ACTL8: variants seen among roughly 807,000 people sequenced by gnomAD.
ACTL8 encodes the protein actin-like protein 8.
A neutral mutation model predicts 9.3 loss-of-function variants in ACTL8; 3 were observed. The ratio of observed to expected loss-of-function variants is 0.32; its 90% CI spans 0.15 to 0.83. The LOEUF (loss-of-function observed/expected upper bound fraction) is 0.83. Among genes scored for constraint, ACTL8 ranks in the 40% least tolerant of loss-of-function variants. The pLI, the probability that ACTL8 is intolerant of heterozygous loss-of-function variation, is 0.57. For synonymous variants in ACTL8, 224 were observed against 205.9 expected, an observed-to-expected ratio of 1.09 and a Z score of -0.75; for missense variants, 381 against 492.2, an observed-to-expected ratio of 0.77 and a Z score of 2.14.
intron 1 of ACTL8, among the ~76,000 whole-genome samples, chr1:17,756,564 T>C (rs1361844521): frequency 6.6e-6 from 1 of 152,214 alleles, no homozygotes; most frequent in African/African-American, 2.4e-5. Context: ...AGTTAATAAT[T>C]CTTCATATGA....
Position 17,810,687 on chromosome 1 carries a change from C to T in ACTL8, c.-24-12298C>T, listed in dbSNP as rs150549364. The stretch of plus-strand genomic sequence containing the variant: ...GTCCTGTATAGTTAACTCTTCTCAC[C>T]GCCCCAGAAACGACTGATCTGTTTT... On this transcript the variant is annotated intron_variant, in intron 1 of 2. Transcript: ENST00000375406. Among the ~76,000 whole-genome samples, 78 of 152,272 alleles carry T rather than the reference C, an allele frequency of 5.1e-4. No individual in the cohort carries two copies. In the East Asian group the frequency reaches 0.013, roughly 26 times the overall value.
intron 1 of ACTL8, among the ~76,000 whole-genome samples, chr1:17,809,293 C>A (rs1418550375): frequency 2.6e-5 from 4 of 151,982 alleles, no homozygotes; most frequent in Admixed American, 1.3e-4. Context: ...CTAGTCAATG[C>A]AATATTGGGT....
chr1:17,825,954 A>T lies in ACTL8; in HGVS notation c.536A>T (p.Asp179Val). 1 of 1,610,860 alleles carries T rather than the reference A, an allele frequency of 6.2e-7. No homozygotes were observed. Among genetic ancestry groups the T allele is most frequent in the Non-Finnish European group, 8.5e-7 (1 of 1,179,996 alleles). ...AAGACGCTGGAGTTCGCCGGCCAGGATCTCTCCGCCTATCTCCTCAAGAGT... is the reference window on the plus strand; with the variant it reads ...AAGACGCTGGAGTTCGCCGGCCAGGTTCTCTCCGCCTATCTCCTCAAGAGT... ...SGKTLEFAGQDLSAYLLKSLF... is the reference protein window; with the variant it reads ...SGKTLEFAGQVLSAYLLKSLF... Residue 179 changes from aspartate (D) to valine (V), a missense_variant, in exon 3 of 3, where the codon GAT becomes GTT. Coordinates refer to ENST00000375406, the MANE Select transcript of ACTL8 (RefSeq NM_030812.3).
At chr1:17,798,162 G>T (rs552375411) in intron 1 of ACTL8, among the ~76,000 whole-genome samples, 42 of 102,130 alleles carry the variant, frequency 4.1e-4, no homozygotes, top group Admixed American at 1.7e-3. Flanking sequence ...ATATGGGTCT[G>T]CGCAGTCATC....
chr1:17,825,027 C>T (rs574162535), intron 2 of ACTL8, among the ~76,000 whole-genome samples: 28 of 143,770 alleles, frequency 1.9e-4, no homozygotes, highest in African/African-American at 7.0e-4. Flanking sequence ...GATCTTTCTG[C>T]TTCTATGGGA....
At chr1:17,795,893 GAC>G (rs1461547935) in intron 1 of ACTL8, among the ~76,000 whole-genome samples, 7 of 152,200 alleles carry the variant, frequency 4.6e-5, no homozygotes, top group Non-Finnish European at 7.4e-5. Flanking sequence ...GCATTTCCAA[GAC>G]TGTCTGCACA....
chr1:17,820,488 TG>T (rs1332287484), intron 1 of ACTL8, among the ~76,000 whole-genome samples: 1 of 152,208 alleles, frequency 6.6e-6, no homozygotes, highest in Non-Finnish European at 1.5e-5. Context: ...TAAAGGTTTT[TG>T]TGTGAACGTA....
chr1:17,761,976 C>A (rs552521812), intron 1 of ACTL8, among the ~76,000 whole-genome samples: 1 of 150,778 alleles, frequency 6.6e-6, no homozygotes, highest in Admixed American at 6.6e-5. Flanking sequence ...GGGGTCCATG[C>A]GCTCACCTGA....
In ACTL8 at chr1:17,771,146, C is replaced by T. The variant is rs372040602; in HGVS notation, c.-25+15642C>T. On this transcript the variant is annotated intron_variant, in intron 1 of 2. Transcript: ENST00000375406. The stretch of plus-strand genomic sequence containing the variant: ...TGTGGGCCATATGGTCTCTGTCGGA[C>T]GCTGCAACTCAGCTGTTGTAACTTG... Among the ~76,000 whole-genome samples, 8 of 152,282 alleles carry T rather than the reference C, an allele frequency of 5.3e-5. No individual in the cohort carries two copies. The East Asian group carries it at 5.8e-4, about 11-fold the overall frequency.
intron 1 of ACTL8, among the ~76,000 whole-genome samples, chr1:17,771,528 A>T (rs1298047617): frequency 7.2e-5 from 11 of 152,178 alleles, no homozygotes; most frequent in Non-Finnish European, 1.5e-5. Flanking sequence ...TTGGCTCAGA[A>T]AGAGGTGACT....
At chr1:17,774,566 G>C (rs780604736) in intron 1 of ACTL8, among the ~76,000 whole-genome samples, 6 of 152,106 alleles carry the variant, frequency 3.9e-5, no homozygotes, top group Non-Finnish European at 8.8e-5. Flanking sequence ...GAAGGAGCAG[G>C]GTGTGCCACT....
chr1:17,803,554 C>T (rs754882205), intron 1 of ACTL8, among the ~76,000 whole-genome samples: 4 of 152,220 alleles, frequency 2.6e-5, no homozygotes, highest in Non-Finnish European at 5.9e-5. Flanking sequence ...CTGTCTCAAA[C>T]TCCTGACCTC....
intron 1 of ACTL8, among the ~76,000 whole-genome samples, chr1:17,774,689 C>T (rs984126524): frequency 4.6e-5 from 7 of 152,162 alleles, no homozygotes; most frequent in Middle Eastern, 3.4e-3. Flanking sequence ...TGGAGTGCAG[C>T]GCGCAAGGGG....
At chr1:17,791,577 G>A (rs1000221512) in intron 1 of ACTL8, among the ~76,000 whole-genome samples, 2 of 152,188 alleles carry the variant, frequency 1.3e-5, no homozygotes, top group Non-Finnish European at 2.9e-5. Context: ...GGCACATCGG[G>A]GTGCAGAGTG....
Position 17,816,051 on chromosome 1 carries a change from A to G in ACTL8, c.-24-6934A>G, listed in dbSNP as rs147962427. On this transcript the variant is annotated intron_variant, in intron 1 of 2. Transcript: ENST00000375406. ...GAATACAAGGTGGAATAAGTAAATC[A>G]AGCTGGTTAACACATCCATTACCTC... Among the ~76,000 whole-genome samples the G allele has an allele frequency of 3.0e-4, 45 of 152,324 alleles. No individual in the cohort carries two copies. The East Asian group carries it at 8.1e-3, about 27-fold the overall frequency.
intron 1 of ACTL8, among the ~76,000 whole-genome samples, chr1:17,810,188 C>T (rs143701064): frequency 7.4e-4 from 112 of 152,314 alleles, no homozygotes; most frequent in African/African-American, 2.5e-3. Flanking sequence ...TATCTCTCCC[C>T]ACATCCTTTC....
At chr1:17,819,813 T>G (rs1044650706) in intron 1 of ACTL8, among the ~76,000 whole-genome samples, 15 of 152,064 alleles carry the variant, frequency 9.9e-5, no homozygotes, top group Non-Finnish European at 1.9e-4. Flanking sequence ...GGCGGATTGC[T>G]TGAGCCCGGG....
chr1:17,797,840 G>A (rs968817964), intron 1 of ACTL8, among the ~76,000 whole-genome samples: 16 of 152,324 alleles, frequency 1.1e-4, no homozygotes, highest in Middle Eastern at 3.4e-3. Flanking sequence ...GGGCCTGGCC[G>A]TCAGTGGGCT....
intron 1 of ACTL8, 62 bp from the exon 2 acceptor site, chr1:17,822,923 G>A: frequency 8.7e-7 from 1 of 1,146,242 alleles, no homozygotes; most frequent in Non-Finnish European, 1.2e-6. Context: ...TGGGTAGAGG[G>A]GGAAGCTGCT....
Sources: allele counts gnomAD v4.1 joint callset (sites outside exome capture counted in the v4.1 genomes callset), GRCh38; gene constraint gnomAD v4.1.1; transcripts MANE v1.5; gene names NCBI Gene and HGNC (gene_info 2026-07-23, HGNC 2026-07-21).